The following PCDH15 variants were observed in gnomAD, a reference collection of about 807,000 sequenced individuals.
PCDH15 encodes the protein protocadherin-15.
Under a neutral mutation model 178.5 loss-of-function variants are expected in PCDH15, and 129 were observed. The observed-to-expected ratio is 0.72, with a 90% CI of 0.63 to 0.84. PCDH15 has a LOEUF of 0.84. PCDH15 is among the 40% of genes least tolerant of loss of function. The probability of loss-of-function intolerance (pLI) is 0.00; values close to 1 mark genes in which losing one functional copy is unlikely to be tolerated. For synonymous variants in PCDH15, 800 were observed against 732.0 expected (o/e 1.09, Z -1.50); for missense variants, 2,230 against 2,099.9 (o/e 1.06, Z -1.21).
chr10:54,620,226 CAGGAAA>C (rs1337490423), intron 2 of PCDH15, among the ~76,000 whole-genome samples: 34 of 151,832 alleles, frequency 2.2e-4, no homozygotes, highest in African/African-American at 8.0e-4. Flanking sequence ...ATAAATTTTT[CAGGAAA>C]ATAATACTGT....
chr10:54,069,652 T>C (rs2094202595), intron 17 of PCDH15, among the ~76,000 whole-genome samples: 1 of 152,178 alleles, frequency 6.6e-6, no homozygotes, highest in African/African-American at 2.4e-5. Flanking sequence ...CTATTGACTA[T>C]TGTTCTGAAC....
intron 2 of PCDH15, among the ~76,000 whole-genome samples, chr10:54,993,057 A>G (rs767831084): frequency 2.0e-5 from 3 of 152,124 alleles, no homozygotes; most frequent in African/African-American, 7.2e-5. Flanking sequence ...TAGTATTGTA[A>G]AGGAAGAATT....
At chr10:54,595,710 A>C (rs1216184151) in intron 2 of PCDH15, among the ~76,000 whole-genome samples, 1 of 152,196 alleles carries the variant, frequency 6.6e-6, no homozygotes, top group Non-Finnish European at 1.5e-5. Flanking sequence ...CACAATATTA[A>C]GATACAGAAG....
intron 26 of PCDH15, among the ~76,000 whole-genome samples, chr10:53,879,626 G>C (rs186049263): frequency 1.3e-5 from 2 of 152,298 alleles, no homozygotes; most frequent in African/African-American, 4.8e-5. Flanking sequence ...ATAGCATTTT[G>C]TGATTCAAAA....
chr10:54,375,369 T>C (rs1046909316), intron 4 of PCDH15, among the ~76,000 whole-genome samples: 3 of 152,148 alleles, frequency 2.0e-5, no homozygotes, highest in East Asian at 3.9e-4. Flanking sequence ...ATAGAGAATA[T>C]GCACAGAGAA....
At chr10:55,374,395 A>G (rs1845574096) in intron 2 of PCDH15, among the ~76,000 whole-genome samples, 1 of 152,040 alleles carries the variant, frequency 6.6e-6, no homozygotes, top group African/African-American at 2.4e-5. Flanking sequence ...ATGTGTGTAA[A>G]GCTTTGTTCA....
At chr10:55,447,468 A>C (rs2132076964) in intron 2 of PCDH15, among the ~76,000 whole-genome samples, 1 of 152,166 alleles carries the variant, frequency 6.6e-6, no homozygotes, top group African/African-American at 2.4e-5. Context: ...AAAGAGAAAT[A>C]AAAAAGTATT....
intron 1 of PCDH15, among the ~76,000 whole-genome samples, chr10:55,200,708 G>T (rs74552288): frequency 0.026 from 4,024 of 152,148 alleles, 128 homozygotes; most frequent in Admixed American, 0.09. Context: ...AAGACCTGGT[G>T]GGAGTTGACT....
chr10:55,063,202 A>C (rs1564761295), intron 2 of PCDH15, among the ~76,000 whole-genome samples: 2 of 151,984 alleles, frequency 1.3e-5, no homozygotes, highest in South Asian at 4.1e-4. Context: ...ACATAAGTAG[A>C]CTCTCCTAAT....
At chr10:54,856,432 C>A (rs1953743747) in intron 3 of PCDH15, among the ~76,000 whole-genome samples, 1 of 152,136 alleles carries the variant, frequency 6.6e-6, no homozygotes, top group Non-Finnish European at 1.5e-5. Context: ...TAATCAAAGA[C>A]TTCATACTCT....
At chr10:54,399,318 A>G (rs1330821147) in intron 3 of PCDH15, among the ~76,000 whole-genome samples, 1 of 151,806 alleles carries the variant, frequency 6.6e-6, no homozygotes, top group Non-Finnish European at 1.5e-5. Context: ...TAATGATTAA[A>G]GATGGGAGGC....
At chr10:55,115,917 A>T (rs1837619095) in intron 2 of PCDH15, among the ~76,000 whole-genome samples, 1 of 152,214 alleles carries the variant, frequency 6.6e-6, no homozygotes, top group African/African-American at 2.4e-5. Context: ...TTTAGCTATC[A>T]CTAGCTCAAA....
At chr10:55,127,073 T>C (rs1360482445) in intron 2 of PCDH15, among the ~76,000 whole-genome samples, 1 of 152,094 alleles carries the variant, frequency 6.6e-6, no homozygotes, top group Non-Finnish European at 1.5e-5. Flanking sequence ...TTGTCTTAGC[T>C]ACTTTCTGAC....
intron 2 of PCDH15, among the ~76,000 whole-genome samples, chr10:55,017,520 T>C (rs1250647521): frequency 6.6e-6 from 1 of 152,152 alleles, no homozygotes; most frequent in African/African-American, 2.4e-5. Context: ...TGGAAACATT[T>C]CTACCATAAA....
chr10:55,583,024 T>G (rs553929481), intron 2 of PCDH15, among the ~76,000 whole-genome samples: 13 of 152,124 alleles, frequency 8.5e-5, no homozygotes, highest in Admixed American at 2.0e-4. Flanking sequence ...CTCCATAAAT[T>G]TTTGACCATC....
chr10:54,659,696 G>T (rs889595958), intron 2 of PCDH15, among the ~76,000 whole-genome samples: 6 of 151,400 alleles, frequency 4.0e-5, no homozygotes, highest in African/African-American at 1.5e-4. Context: ...AGAGGTTGCA[G>T]TGAGCTGAGA....
chr10:55,051,276 A>G (rs954405285), intron 2 of PCDH15, among the ~76,000 whole-genome samples: 11 of 152,282 alleles, frequency 7.2e-5, no homozygotes, highest in Non-Finnish European at 1.3e-4. Flanking sequence ...TCAAGTGGAA[A>G]TGTTATAGCA....
intron 2 of PCDH15, among the ~76,000 whole-genome samples, chr10:55,138,097 A>C (rs1365539033): frequency 6.6e-6 from 1 of 152,160 alleles, no homozygotes; most frequent in Non-Finnish European, 1.5e-5. Context: ...TAAGGAGGGT[A>C]TTCTTGCTGC....
At chr10:54,929,029 T>C (rs947657770) in intron 2 of PCDH15, among the ~76,000 whole-genome samples, 10 of 152,230 alleles carry the variant, frequency 6.6e-5, no homozygotes, top group Non-Finnish European at 1.3e-4. Context: ...TTAGAGTTAT[T>C]GCATTGGTTC....
Sources: allele counts gnomAD v4.1 joint callset (sites outside exome capture counted in the v4.1 genomes callset), GRCh38; gene constraint gnomAD v4.1.1; transcripts MANE v1.5; gene names NCBI Gene and HGNC (gene_info 2026-07-23, HGNC 2026-07-21).